Variants in LDB2 observed in about 807,000 individuals in gnomAD.
The protein encoded by LDB2 is LIM domain-binding protein 2.
A neutral mutation model predicts 44.3 loss-of-function variants in LDB2; 12 were observed. The observed-to-expected ratio is 0.27, with a 90% CI of 0.17 to 0.44. The LOEUF (loss-of-function observed/expected upper bound fraction) is 0.44, where lower values mean the gene tolerates loss of function less well. Among genes scored for constraint, LDB2 ranks in the 20% least tolerant of loss-of-function variants. The pLI, the probability that LDB2 is intolerant of heterozygous loss-of-function variation, is 1.00. For missense variants in LDB2, 344 were observed against 473.5 expected (o/e 0.73, Z 2.54); for synonymous variants, 164 against 174.8 (o/e 0.94, Z 0.49).
At chr4:16,519,776 A>G (rs549132680) in intron 5 of LDB2, among the ~76,000 whole-genome samples, 1 of 151,750 alleles carries the variant, frequency 6.6e-6, no homozygotes, top group African/African-American at 2.4e-5. Context: ...GGATAATACT[A>G]CTTATCTCTG....
intron 1 of LDB2, among the ~76,000 whole-genome samples, chr4:16,780,791 C>A (rs1397236801): frequency 6.6e-6 from 1 of 151,370 alleles, no homozygotes; most frequent in East Asian, 1.9e-4. Flanking sequence ...GGGCTAAATG[C>A]TTTATTACTT....
intron 2 of LDB2, among the ~76,000 whole-genome samples, chr4:16,700,058 C>T (rs887937652): frequency 2.0e-5 from 3 of 152,142 alleles, no homozygotes; most frequent in African/African-American, 7.2e-5. Context: ...GTGTTGTACA[C>T]TGAACTGTAG....
intron 1 of LDB2, among the ~76,000 whole-genome samples, chr4:16,867,731 G>C (rs998280091): frequency 5.9e-5 from 9 of 152,156 alleles, no homozygotes; most frequent in African/African-American, 2.2e-4. Context: ...TGGTAGTTGG[G>C]AGCAATGGTG....
intron 5 of LDB2, among the ~76,000 whole-genome samples, chr4:16,572,034 T>C (rs1474341185): frequency 6.6e-6 from 1 of 152,198 alleles, no homozygotes; most frequent in Non-Finnish European, 1.5e-5. Context: ...TTCAGCAAGA[T>C]GGTACCTGGG....
chr4:16,796,114 A>G (rs1240862128), intron 1 of LDB2, among the ~76,000 whole-genome samples: 1 of 152,018 alleles, frequency 6.6e-6, no homozygotes, highest in East Asian at 1.9e-4. Context: ...CAACATGGTG[A>G]AATCCCATCT....
intron 1 of LDB2, among the ~76,000 whole-genome samples, chr4:16,812,600 A>ACG (rs1198946461): frequency 2.9e-5 from 4 of 137,378 alleles, no homozygotes; most frequent in African/African-American, 1.1e-4. Flanking sequence ...ATATATATAT[A>ACG]TATATATATA....
At chr4:16,798,913 C>T (rs903917348) in intron 1 of LDB2, among the ~76,000 whole-genome samples, 6 of 152,106 alleles carry the variant, frequency 3.9e-5, no homozygotes, top group African/African-American at 1.4e-4. Flanking sequence ...TGCAGTGGCG[C>T]GATCTTGGCT....
chr4:16,602,451 G>C (rs557363408), intron 2 of LDB2, among the ~76,000 whole-genome samples: 1 of 152,274 alleles, frequency 6.6e-6, no homozygotes, highest in East Asian at 1.9e-4. Flanking sequence ...TGGTAGGAGG[G>C]TGGTCAAAGA....
intron 2 of LDB2, among the ~76,000 whole-genome samples, chr4:16,729,066 C>T (rs1760163598): frequency 1.3e-5 from 2 of 152,194 alleles, no homozygotes; most frequent in Admixed American, 6.5e-5. Flanking sequence ...CCAGCCAGAT[C>T]CTGAAAATAT....
chr4:16,781,544 G>A (rs1773236283), intron 1 of LDB2, among the ~76,000 whole-genome samples: 1 of 152,088 alleles, frequency 6.6e-6, no homozygotes, highest in Non-Finnish European at 1.5e-5. Context: ...GTAGATCATG[G>A]GGAGAATTAT....
chr4:16,636,629 A>C (rs1031155859), intron 2 of LDB2, among the ~76,000 whole-genome samples: 5 of 152,178 alleles, frequency 3.3e-5, no homozygotes. Context: ...TGAGGTTCAT[A>C]ATAGGAATAA....
rs1579416104 is a variant in LDB2, at chr4:16,761,235, A to G, written c.133-1975T>C. ...TTGCTCCAGTACACTCAGCAAATAA[A>G]TGTCAGAGATGGAATTTCAACTCAG... On this transcript the variant is annotated intron_variant, in intron 1 of 7. Coordinates refer to ENST00000304523, the MANE Select transcript of LDB2 (RefSeq NM_001290.5). 2.0e-5 allele frequency among the ~76,000 whole-genome samples: 3 copies of G among 152,296 alleles called. No individual in the cohort carries two copies. The East Asian group carries it at 5.8e-4, about 29-fold the overall frequency.
At chr4:16,826,014 T>C (rs1461877064) in intron 1 of LDB2, among the ~76,000 whole-genome samples, 1 of 151,680 alleles carries the variant, frequency 6.6e-6, no homozygotes, top group Non-Finnish European at 1.5e-5. Flanking sequence ...TATTTATGTA[T>C]AAATTAATAT....
intron 2 of LDB2, among the ~76,000 whole-genome samples, chr4:16,612,527 G>C (rs941003161): frequency 6.6e-6 from 1 of 152,054 alleles, no homozygotes. Context: ...AGATAAAGGG[G>C]ATATAAACAC....
intron 2 of LDB2, among the ~76,000 whole-genome samples, chr4:16,711,664 C>G (rs1053250252): frequency 2.6e-5 from 4 of 151,958 alleles, no homozygotes; most frequent in African/African-American, 9.7e-5. Flanking sequence ...ATCCAGGAGA[C>G]CAGTTAAGGA....
chr4:16,718,666 A>C (rs901078682), intron 2 of LDB2, among the ~76,000 whole-genome samples: 1 of 149,386 alleles, frequency 6.7e-6, no homozygotes, highest in Non-Finnish European at 1.5e-5. Context: ...ATCACGGAGT[A>C]CTTCCTACCC....
Position 16,563,747 on chromosome 4 carries a change from C to T in LDB2, c.615+22175G>A, listed in dbSNP as rs533844644. Among the ~76,000 whole-genome samples the T allele has an allele frequency of 5.9e-5, 9 of 152,030 alleles. No individual in the cohort carries two copies. In the South Asian group the frequency reaches 1.3e-3, roughly 21 times the overall value. ...TGCTGGGATTACAGGCATGAGCCAC[C>T]GTGCCCAGTCTCATCAGATATTCTA... is the stretch of plus-strand genomic sequence containing the variant. On this transcript the variant is annotated intron_variant, in intron 5 of 7. Transcript: ENST00000304523.
chr4:16,779,603 C>T (rs1038919454), intron 1 of LDB2, among the ~76,000 whole-genome samples: 4 of 152,154 alleles, frequency 2.6e-5, no homozygotes, highest in African/African-American at 7.2e-5. Flanking sequence ...GACATGGCTG[C>T]GTCCTCATAT....
intron 2 of LDB2, among the ~76,000 whole-genome samples, 179 bp from the exon 3 acceptor site, chr4:16,596,054 T>A (rs1044712631): frequency 1.1e-4 from 16 of 152,182 alleles, no homozygotes; most frequent in African/African-American, 3.9e-4. Context: ...TAATAAAATA[T>A]AATCCCCAAC....
Sources: gnomAD v4.1 joint callset for allele counts (sites outside exome capture counted in the v4.1 genomes callset) on GRCh38, gnomAD v4.1.1 for gene constraint, MANE v1.5 for transcripts, NCBI Gene and HGNC (gene_info 2026-07-23, HGNC 2026-07-21) for gene names.